Variants in DMXL2 observed in about 807,000 individuals in gnomAD.
DMXL2 encodes the protein Dmx like 2, also known as dmX-like protein 2.
Under a neutral mutation model 331.1 loss-of-function variants are expected in DMXL2, and 103 were observed. That is an observed-to-expected ratio of 0.31 (90% CI 0.27 to 0.37). The LOEUF is 0.37. Ranked by LOEUF, DMXL2 falls within the 10% of genes least tolerant of loss-of-function variation. The pLI, the probability that DMXL2 is intolerant of heterozygous loss-of-function variation, is 1.00. For synonymous variants in DMXL2, 1,281 were observed against 1,252.1 expected (o/e 1.02, Z -0.49); for missense variants, 3,171 against 3,642.9 (o/e 0.87, Z 3.33).
At chr15:51,503,131 C>A in intron 16 of DMXL2, 98 bp from the exon 17 acceptor site, 1 of 885,684 alleles carries the variant, frequency 1.1e-6, no homozygotes, top group South Asian at 1.9e-5. Flanking sequence ...AACATAGCTT[C>A]TTAAAAGTAT....
chr15:51,608,972 A>C (rs2053777791), intron 1 of DMXL2, among the ~76,000 whole-genome samples: 1 of 152,234 alleles, frequency 6.6e-6, no homozygotes, highest in African/African-American at 2.4e-5. Flanking sequence ...TTCCAGGGTT[A>C]TAAAAATAGG....
rs773710724 is a variant in DMXL2, at chr15:51,536,302, A to G, written c.2178T>C (p.Ile726=). 1.9e-6 allele frequency: 3 copies of G among 1,613,986 alleles called. No homozygotes were observed. The African/African-American group carries it at 4.0e-5, about 22-fold the overall frequency. The change falls in exon 12 of 44, where the codon ATT becomes ATC. Residue 726 remains isoleucine, a synonymous_variant. Transcript: ENST00000560891. ...GTCCTATTGGGTCTACACGCCACAG[A>G]ATAAGTTCACTGTAGATTGCATTTG... ...HDPNAIYSEL[I]LWRVDPIGPL... is the part of the protein sequence containing the mutation.
intron 25 of DMXL2, among the ~76,000 whole-genome samples, chr15:51,479,297 T>C (rs189807156): frequency 2.6e-5 from 4 of 152,312 alleles, no homozygotes; most frequent in Admixed American, 6.5e-5. Context: ...GGGACCTGAA[T>C]TGTGCATCAG....
Position 51,536,582 on chromosome 15 carries a change from G to T in DMXL2, c.1898C>A (p.Ala633Asp), listed in dbSNP as rs552339161. The T allele has an allele frequency of 4.1e-5, 66 of 1,613,952 alleles. No individual in the cohort carries two copies. The highest frequency in any genetic ancestry group is 8.3e-5 in the Admixed American group (5 of 59,960). The change falls in exon 12 of 44, where the codon GCC (alanine) becomes GAC (aspartate). Residue 633 changes from alanine (A) to aspartate (D), a missense_variant. Physicochemically the swap from Ala to Asp is moderately radical, Grantham distance 126. Transcript: ENST00000560891. ...QWAVTFADKSAFTTVLTVSHK... is the reference protein window; with the variant it reads ...QWAVTFADKSDFTTVLTVSHK... The stretch of plus-strand genomic sequence containing the variant: ...AGATACAGTTAGAACAGTGGTAAAG[G>T]CAGACTTATCAGCAAAAGTGACTGC...
At chr15:51,517,787 G>A (rs1199542170) in intron 13 of DMXL2, among the ~76,000 whole-genome samples, 1 of 152,194 alleles carries the variant, frequency 6.6e-6, no homozygotes, top group Non-Finnish European at 1.5e-5. Context: ...AGGCCAATAA[G>A]AGGGGTTAGA....
intron 6 of DMXL2, among the ~76,000 whole-genome samples, chr15:51,557,335 G>A (rs1283596207): frequency 6.6e-6 from 1 of 151,832 alleles, no homozygotes; most frequent in African/African-American, 2.4e-5. Context: ...AAGATATTTG[G>A]GATCTTCACA....
intron 6 of DMXL2, among the ~76,000 whole-genome samples, chr15:51,557,224 T>C (rs545832784): frequency 9.2e-5 from 14 of 152,208 alleles, no homozygotes; most frequent in Non-Finnish European, 1.8e-4. Flanking sequence ...ATACAAAAAC[T>C]GCATTTCTAT....
At chr15:51,454,356 AT>A (rs1439095969) in intron 40 of DMXL2, among the ~76,000 whole-genome samples, 1 of 150,154 alleles carries the variant, frequency 6.7e-6, no homozygotes, top group Admixed American at 6.7e-5. Flanking sequence ...CCCCCACCAT[AT>A]CTCCATCAGG....
chr15:51,499,857 T>C lies in DMXL2; in HGVS notation c.3367A>G (p.Ile1123Val), dbSNP rs749622472. The C allele has an allele frequency of 2.0e-5, 32 of 1,614,098 alleles. No individual in the cohort carries two copies. The highest frequency in any genetic ancestry group is 1.1e-4 in the East Asian group (5 of 44,900). ...GGSEWVLEQT[I>V]HLDDLVKVGS... ...ACCTTAACCAAATCATCAAGATGAATTGTTTGTTCTAAAACCCACTCTGAT... is the reference window on the plus strand; with the variant it reads ...ACCTTAACCAAATCATCAAGATGAACTGTTTGTTCTAAAACCCACTCTGAT... Residue 1123 changes from isoleucine (I) to valine (V), a missense_variant, in exon 18 of 44, where the codon ATT (isoleucine) becomes GTT (valine). Ile to Val is a conservative substitution (Grantham distance 29, BLOSUM62 3). Coordinates refer to ENST00000560891, the MANE Select transcript of DMXL2 (RefSeq NM_001378457.1).
At chr15:51,589,833 T>C (rs2052157093) in intron 1 of DMXL2, among the ~76,000 whole-genome samples, 1 of 152,238 alleles carries the variant, frequency 6.6e-6, no homozygotes, top group Non-Finnish European at 1.5e-5. Context: ...AGTACTTTGA[T>C]TCAGTAAATC....
At chr15:51,577,061 G>C (rs1437430649) in intron 1 of DMXL2, among the ~76,000 whole-genome samples, 1 of 152,002 alleles carries the variant, frequency 6.6e-6, no homozygotes. Flanking sequence ...CAGAGAGTTG[G>C]GACATATTTC....
chr15:51,509,237 A>T (rs1462578748), intron 15 of DMXL2, among the ~76,000 whole-genome samples: 2 of 152,142 alleles, frequency 1.3e-5, no homozygotes, highest in Non-Finnish European at 2.9e-5. Flanking sequence ...ACAGAGATAC[A>T]AAAAACCCTT....
chr15:51,566,232 G>GGTGTGTGTGTGT (rs71127197), intron 3 of DMXL2, among the ~76,000 whole-genome samples: 4 of 144,842 alleles, frequency 2.8e-5, no homozygotes, highest in South Asian at 2.3e-4. Flanking sequence ...GTGTGTGTGG[G>GGTGTGTGTGTGT]GTGTGTGTGT....
Position 51,578,432 on chromosome 15 carries a change from A to G in DMXL2, c.88-2251T>C, listed in dbSNP as rs1348933526. 2.6e-5 allele frequency among the ~76,000 whole-genome samples: 4 copies of G among 152,314 alleles called. No individual in the cohort carries two copies. In the South Asian group the frequency reaches 6.2e-4, roughly 24 times the overall value. On this transcript the variant is annotated intron_variant, in intron 1 of 43. Coordinates refer to ENST00000560891, the MANE Select transcript of DMXL2 (RefSeq NM_001378457.1). ...GCTTTTTACTCTTCCCTAGATAACC[A>G]TAATTGCCTGATGTTTTCCAGAGAA...
At chr15:51,461,187 A>G (rs2040079035) in intron 33 of DMXL2, among the ~76,000 whole-genome samples, 1 of 152,214 alleles carries the variant, frequency 6.6e-6, no homozygotes, top group African/African-American at 2.4e-5. Context: ...CATTCCGTTT[A>G]TCTCTGTCCT....
At chr15:51,533,240 C>T (rs866982941) in intron 13 of DMXL2, among the ~76,000 whole-genome samples, 2 of 152,098 alleles carry the variant, frequency 1.3e-5, no homozygotes, top group Admixed American at 6.6e-5. Flanking sequence ...CCAGGCTGGT[C>T]TTGAACTCAT....
intron 20 of DMXL2, among the ~76,000 whole-genome samples, chr15:51,490,930 T>C (rs2042750025): frequency 6.7e-6 from 1 of 148,366 alleles, no homozygotes; most frequent in African/African-American, 2.4e-5. Flanking sequence ...ATAAAAAGAG[T>C]TTTTTAATGT....
chr15:51,536,782 G>A lies in DMXL2; in HGVS notation c.1698C>T (p.Ala566=). 6.2e-7 allele frequency: 1 copy of A among 1,613,926 alleles called. No individual in the cohort carries two copies. The highest frequency in any genetic ancestry group is 1.1e-5 in the South Asian group (1 of 91,068). Residue 566 remains alanine (A), a synonymous_variant, in exon 12 of 44, where the codon GCC becomes GCT. Coordinates refer to ENST00000560891, the MANE Select transcript of DMXL2 (RefSeq NM_001378457.1). ...SSLSKNIMMY[A]CINATKDSHH... ...GAGAATCTTTTGTCGCATTTATACA[G>A]GCATACATCATGATATTTTTACTAA...
intron 33 of DMXL2, chr15:51,460,319 C>T (rs898560482): frequency 9.1e-6 from 9 of 985,308 alleles, no homozygotes; most frequent in South Asian, 9.4e-5. Flanking sequence ...CCTTTCATCA[C>T]GAAGGGCCAT....
Sources: gnomAD v4.1 joint callset for allele counts (sites outside exome capture counted in the v4.1 genomes callset) on GRCh38, gnomAD v4.1.1 for gene constraint, MANE v1.5 for transcripts, NCBI Gene and HGNC (gene_info 2026-07-23, HGNC 2026-07-21) for gene names.